Variants in PELI2 observed in about 807,000 individuals in gnomAD.
PELI2 encodes pellino E3 ubiquitin protein ligase family member 2.
In PELI2, 23 loss-of-function variants were observed where a neutral mutation model predicts 42.3. The ratio of observed to expected loss-of-function variants is 0.54; its 90% confidence interval spans 0.39 to 0.77. The LOEUF (loss-of-function observed/expected upper bound fraction) is 0.77. PELI2 is among the 30% of genes least tolerant of loss of function. PELI2 has a pLI of 0.00. For missense variants in PELI2, 463 were observed against 553.2 expected, an observed-to-expected ratio of 0.84 and a Z score of 1.64; for synonymous variants, 245 against 212.2, an observed-to-expected ratio of 1.15 and a Z score of -1.34.
At chr14:56,216,680 A>G (rs1886915552) in intron 2 of PELI2, among the ~76,000 whole-genome samples, 1 of 152,264 alleles carries the variant, frequency 6.6e-6, no homozygotes, top group Non-Finnish European at 1.5e-5. Context: ...AACTTAATTC[A>G]GAGACAAGAA....
chr14:56,139,612 A>G (rs1883827515), intron 1 of PELI2, among the ~76,000 whole-genome samples: 1 of 152,178 alleles, frequency 6.6e-6, no homozygotes, highest in African/African-American at 2.4e-5. Flanking sequence ...GTCTTTTTAA[A>G]AAAATTCTTA....
chr14:56,146,125 C>T (rs1003176353), intron 1 of PELI2, among the ~76,000 whole-genome samples: 8 of 152,180 alleles, frequency 5.3e-5, no homozygotes, highest in Admixed American at 2.6e-4. Context: ...GACTACCTCT[C>T]CTGCGTGGGA....
intron 3 of PELI2, 148 bp downstream of exon 3, chr14:56,279,925 A>G: frequency 2.5e-6 from 1 of 407,754 alleles, no homozygotes; most frequent in Non-Finnish European, 4.3e-6. Context: ...TTGTTGAAAG[A>G]ATAAGAAAAA....
chr14:56,163,889 C>T (rs1884857794), intron 1 of PELI2, among the ~76,000 whole-genome samples: 2 of 151,990 alleles, frequency 1.3e-5, no homozygotes, highest in Admixed American at 1.3e-4. Context: ...ATGCTACTGA[C>T]TTTTGTATGT....
intron 2 of PELI2, among the ~76,000 whole-genome samples, chr14:56,259,917 A>G (rs1356569474): frequency 1.3e-5 from 2 of 152,170 alleles, no homozygotes; most frequent in East Asian, 1.9e-4. Context: ...AACAAAATGC[A>G]TGTAATATTG....
intron 2 of PELI2, among the ~76,000 whole-genome samples, chr14:56,236,805 A>G (rs1237492641): frequency 6.6e-6 from 1 of 152,160 alleles, no homozygotes; most frequent in African/African-American, 2.4e-5. Flanking sequence ...TCTGGCCACA[A>G]ACTTTTAGAA....
intron 1 of PELI2, among the ~76,000 whole-genome samples, chr14:56,166,307 C>A (rs4901641): frequency 0.4 from 60,749 of 151,958 alleles, 12,962 homozygotes; most frequent in South Asian, 0.53. Flanking sequence ...TTTTGTTGTT[C>A]TGTTTATGTC....
chr14:56,225,634 G>A (rs201716626), intron 2 of PELI2, among the ~76,000 whole-genome samples: 4 of 152,314 alleles, frequency 2.6e-5, no homozygotes, highest in South Asian at 4.1e-4. Flanking sequence ...CAGGGGCAGC[G>A]GTCACAACGC....
intron 2 of PELI2, among the ~76,000 whole-genome samples, chr14:56,251,443 G>A (rs575489943): frequency 4.5e-4 from 68 of 152,308 alleles, no homozygotes; most frequent in African/African-American, 1.5e-3. Flanking sequence ...TCTAGTACGC[G>A]AAGCTTAAAT....
At chr14:56,142,637 G>A (rs1883956674) in intron 1 of PELI2, among the ~76,000 whole-genome samples, 1 of 151,952 alleles carries the variant, frequency 6.6e-6, no homozygotes, top group Non-Finnish European at 1.5e-5. Flanking sequence ...TTCCAGGCCA[G>A]TTTAGTTCCT....
intron 2 of PELI2, among the ~76,000 whole-genome samples, chr14:56,264,646 A>G (rs1888834963): frequency 6.6e-6 from 1 of 152,196 alleles, no homozygotes. Context: ...TGGTCACATT[A>G]CCCAGGGGCA....
chr14:56,142,948 A>T (rs999366532), intron 1 of PELI2, among the ~76,000 whole-genome samples: 1 of 152,174 alleles, frequency 6.6e-6, no homozygotes, highest in African/African-American at 2.4e-5. Flanking sequence ...ATCAGTTTTC[A>T]TATTCATGGA....
intron 1 of PELI2, among the ~76,000 whole-genome samples, chr14:56,164,886 C>A (rs949840252): frequency 6.0e-5 from 9 of 150,948 alleles, no homozygotes; most frequent in African/African-American, 2.2e-4. Flanking sequence ...GTTGTAATGT[C>A]TTCTTTTTCA....
intron 1 of PELI2, among the ~76,000 whole-genome samples, chr14:56,175,356 T>C (rs1213215888): frequency 6.6e-6 from 1 of 152,246 alleles, no homozygotes; most frequent in Non-Finnish European, 1.5e-5. Context: ...CGTCCTGCCA[T>C]GTGCCTTGTG....
intron 2 of PELI2, among the ~76,000 whole-genome samples, chr14:56,261,457 C>T (rs1888713398): frequency 1.3e-5 from 2 of 152,172 alleles, no homozygotes; most frequent in East Asian, 1.9e-4. Context: ...TGAACTACAT[C>T]GCTTTCAACT....
chr14:56,263,479 ATGAT>A (rs769379431), intron 2 of PELI2, among the ~76,000 whole-genome samples: 26 of 152,200 alleles, frequency 1.7e-4, no homozygotes, highest in Non-Finnish European at 2.6e-4. Flanking sequence ...AAATGAGAAA[ATGAT>A]TGCCACAGAA....
At chr14:56,212,896 C>G (rs1287008154) in intron 2 of PELI2, among the ~76,000 whole-genome samples, 1 of 152,154 alleles carries the variant, frequency 6.6e-6, no homozygotes, top group Non-Finnish European at 1.5e-5. Context: ...CAAACTAAAG[C>G]CAATGGCTAG....
chr14:56,129,482 T>C (rs1883400691), intron 1 of PELI2, among the ~76,000 whole-genome samples: 1 of 152,190 alleles, frequency 6.6e-6, no homozygotes, highest in Non-Finnish European at 1.5e-5. Context: ...CAGTTAGTGA[T>C]CCAAGAACTC....
At position 56,197,337 on chromosome 14, in the gene PELI2, A is replaced by G. The variant is rs1178783013; in HGVS notation, c.207+18873A>G. Among the ~76,000 whole-genome samples the G allele has an allele frequency of 6.6e-6, 1 of 152,184 alleles. No homozygotes were observed. The highest frequency in any genetic ancestry group is 1.5e-5 in the Non-Finnish European group (1 of 68,040). On this transcript the variant is annotated intron_variant, in intron 2 of 5. Coordinates refer to ENST00000267460, the MANE Select transcript of PELI2 (RefSeq NM_021255.3). This position sits in a 1 kb window ranked among gnomAD's most constrained non-coding sequence, Gnocchi z 4.9. ...GCAAACAGAGAGGGGCAGAAGTGTA[A>G]CTGTCAGCATATTCTAAGACTCTGA...
Sources: gnomAD v4.1 joint callset for allele counts (sites outside exome capture counted in the v4.1 genomes callset) on GRCh38, gnomAD v4.1.1 for gene constraint, Gnocchi (gnomAD v3.1) non-coding constraint, MANE v1.5 for transcripts, NCBI Gene and HGNC (gene_info 2026-07-23, HGNC 2026-07-21) for gene names.